SLF2: variants seen among roughly 807,000 people sequenced by gnomAD.
The protein encoded by SLF2 is SMC5-SMC6 complex localization factor protein 2.
A neutral mutation model predicts 124.3 loss-of-function variants in SLF2; 68 were observed. The ratio of observed to expected loss-of-function variants is 0.55; its 90% CI spans 0.45 to 0.67. The LOEUF (loss-of-function observed/expected upper bound fraction) is 0.67, where lower values mean the gene tolerates loss of function less well. SLF2 is among the 30% of genes least tolerant of loss of function. The probability of loss-of-function intolerance (pLI) is 0.00; values close to 1 mark genes in which losing one functional copy is unlikely to be tolerated. For synonymous variants in SLF2, 480 were observed against 478.8 expected (o/e 1.00, Z -0.03); for missense variants, 1,246 against 1,373.7 (o/e 0.91, Z 1.47).
In SLF2 at chr10:100,956,441, T is replaced by G. The variant is rs1290177523; in HGVS notation, c.3331-10T>G. The stretch of plus-strand genomic sequence containing the variant: ...GAATTGTTTTCATCCCTTGCATTTG[T>G]TTTGCACAGAAACACTTTGTGCTAC... On this transcript the variant is annotated splice_polypyrimidine_tract_variant and intron_variant, in intron 17 of 19. Coordinates refer to ENST00000238961, the MANE Select transcript of SLF2 (RefSeq NM_018121.4). 6.3e-7 allele frequency: 1 copy of G among 1,589,194 alleles called. No individual in the cohort carries two copies. The highest frequency in any genetic ancestry group is 1.2e-5 in the South Asian group (1 of 86,214).
At chr10:100,932,766 A>G (rs1298389571) in intron 9 of SLF2, among the ~76,000 whole-genome samples, 5 of 152,054 alleles carry the variant, frequency 3.3e-5, no homozygotes, top group Non-Finnish European at 7.4e-5. Flanking sequence ...GTGTCAGATG[A>G]TAAGTGCTAT....
chr10:100,950,709 G>A lies in SLF2; in HGVS notation c.3286G>A (p.Val1096Ile), dbSNP rs1850195098. ...YYLTYILLHL[V>I]GEVSCSHSFS... ...CCTGACCTACATTCTTCTTCATTTA[G>A]TCGGTGAAGTTAGTTGTTCTCATTC... Residue 1096 changes from valine (V) to isoleucine (I), a missense_variant, in exon 17 of 20, where the codon GTC becomes ATC. Around this residue, in one of 3 missense-constraint regions of SLF2, gnomAD observed 535 missense variants for 632.8 expected, o/e 0.85. Coordinates refer to ENST00000238961, the MANE Select transcript of SLF2 (RefSeq NM_018121.4). 1 of 1,613,966 alleles carries A rather than the reference G, an allele frequency of 6.2e-7. No individual in the cohort carries two copies. The highest frequency in any genetic ancestry group is 8.5e-7 in the Non-Finnish European group (1 of 1,179,950).
rs771980039 is a variant in SLF2, at chr10:100,961,891, C to T, written c.3501C>T (p.Asp1167=). Residue 1167 remains aspartate, a synonymous_variant, in exon 20 of 20, where the codon GAC becomes GAT. Transcript: ENST00000238961. ...NCRPTQGQLH[D]FWVPDS ...CCCTTTTTTAGGGGCAGCTTCATGA[C>T]TTCTGGGTACCAGATTCTTAATAGG... The T allele has an allele frequency of 1.2e-6, 2 of 1,608,346 alleles. No homozygotes were observed. Among genetic ancestry groups the T allele is most frequent in the Non-Finnish European group, 1.7e-6 (2 of 1,175,980 alleles).
At chr10:100,922,622 GT>G (rs375829390) in intron 4 of SLF2, among the ~76,000 whole-genome samples, 6 of 150,906 alleles carry the variant, frequency 4.0e-5, no homozygotes, top group Admixed American at 6.6e-5. Context: ...AATTTTTTGT[GT>G]TTTTTTTTGT....
At chr10:100,952,271 G>T (rs1254538932) in intron 17 of SLF2, among the ~76,000 whole-genome samples, 1 of 150,536 alleles carries the variant, frequency 6.6e-6, no homozygotes, top group African/African-American at 2.4e-5. Context: ...GCTGGACGTG[G>T]TGGCTCATGC....
At chr10:100,947,551 T>C (rs1190523506) in intron 14 of SLF2, among the ~76,000 whole-genome samples, 2 of 152,170 alleles carry the variant, frequency 1.3e-5, no homozygotes, top group Non-Finnish European at 2.9e-5. Context: ...AAATGATTTA[T>C]TGAGCTTCAG....
Position 100,924,771 on chromosome 10 carries a change from C to T in SLF2, c.1770C>T (p.Ser590=), listed in dbSNP as rs544135521. 6.2e-7 allele frequency: 1 copy of T among 1,614,098 alleles called. No individual in the cohort carries two copies. The highest frequency in any genetic ancestry group is 1.1e-5 in the South Asian group (1 of 91,084). The change falls in exon 5 of 20, where the codon AGC becomes AGT. Residue 590 remains serine, a synonymous_variant. Coordinates refer to ENST00000238961, the MANE Select transcript of SLF2 (RefSeq NM_018121.4). ...GTTCAGGAAATTCCAATGCAGGTAG[C>T]AGTGCACTGAAAAGAAAACTAAGGG... The part of the protein sequence containing the change: ...GESSGNSNAG[S]SALKRKLRGD...
chr10:100,961,789 T>C (rs1850431339), intron 19 of SLF2, 88 bp from the exon 20 acceptor site: 4 of 1,098,456 alleles, frequency 3.6e-6, no homozygotes, highest in Non-Finnish European at 5.3e-6. Context: ...TCAAAGCCCA[T>C]TGTCTGATGA....
rs113732991 is a variant in SLF2 at position 100,945,209 on chromosome 10, G to T, written c.2758-121G>T. 7.2e-4 allele frequency: 530 copies of T among 736,610 alleles called. 3 individuals carry two copies. The African/African-American group carries it at 9.3e-3, about 13-fold the overall frequency. 45.6% of individuals were successfully genotyped at this position (736,610 alleles called of 1,614,324 possible). On this transcript the variant is annotated intron_variant, in intron 12 of 19. Transcript: ENST00000238961. Reference sequence around the variant, plus strand: ...TCTTGCCTTCTTTTCTCTAGACATCGGATGTTTGTTTTCTTTATAGTTCTT... The same window carrying T: ...TCTTGCCTTCTTTTCTCTAGACATCTGATGTTTGTTTTCTTTATAGTTCTT...
intron 9 of SLF2, among the ~76,000 whole-genome samples, chr10:100,932,289 G>A (rs866189382): frequency 1.6e-4 from 25 of 152,026 alleles, no homozygotes; most frequent in African/African-American, 4.8e-4. Flanking sequence ...AGGTTACTGA[G>A]TGTTCCACTT....
rs1419663453 is a variant in SLF2, at chr10:100,917,287, A to G, written c.902A>G (p.Asn301Ser). ...KQNDIIPGKN[N>S]LSNVENGHLS... ...AATGACATCATACCTGGAAAAAATA[A>G]TCTGTCAAATGTGGTATGTGTAAGA... The change falls in exon 3 of 20, where the codon AAT (asparagine) becomes AGT (serine). Residue 301 changes from asparagine to serine, a missense_variant. Asn to Ser is a conservative substitution (Grantham distance 46). Coordinates refer to ENST00000238961, the MANE Select transcript of SLF2 (RefSeq NM_018121.4). 1 of 1,609,602 alleles carries G rather than the reference A, an allele frequency of 6.2e-7. No homozygotes were observed. The highest frequency in any genetic ancestry group is 1.1e-5 in the South Asian group (1 of 90,538).
chr10:100,959,556 A>T, intron 19 of SLF2, 60 bp downstream of exon 19: 1 of 1,595,022 alleles, frequency 6.3e-7, no homozygotes, highest in Non-Finnish European at 8.5e-7. Flanking sequence ...GGCACTCTTC[A>T]TACTGTTTGA....
intron 12 of SLF2, 39 bp downstream of exon 12, chr10:100,944,167 G>C (rs766617024): frequency 7.5e-7 from 1 of 1,331,814 alleles, no homozygotes; most frequent in Admixed American, 2.0e-5. Flanking sequence ...CTCAGAGCTA[G>C]AACCATTTAG....
chr10:100,944,761 A>G (rs1458681001), intron 12 of SLF2, among the ~76,000 whole-genome samples: 2 of 152,240 alleles, frequency 1.3e-5, no homozygotes, highest in Admixed American at 1.3e-4. Flanking sequence ...GCGGTGGCTC[A>G]TGCCTGTAAT....
At chr10:100,940,669 G>C (rs1849952567) in intron 11 of SLF2, among the ~76,000 whole-genome samples, 1 of 150,740 alleles carries the variant, frequency 6.6e-6, no homozygotes. Flanking sequence ...GCTTGAACTT[G>C]TTAAGATACA....
intron 19 of SLF2, among the ~76,000 whole-genome samples, chr10:100,960,997 T>C (rs11190767): frequency 8.0e-6 from 1 of 125,156 alleles, no homozygotes; most frequent in Non-Finnish European, 1.6e-5. Flanking sequence ...ATTCTGTACT[T>C]CTTTTTTTTT....
In SLF2 at chr10:100,919,159, C is replaced by T. The variant is rs146425834; in HGVS notation, c.973+718C>T. Among the ~76,000 whole-genome samples, 1,375 of 151,890 alleles carry T rather than the reference C, an allele frequency of 9.1e-3. 23 individuals carry two copies. The highest frequency in any genetic ancestry group is 0.032 in the African/African-American group (1,313 of 41,376). On this transcript the variant is annotated intron_variant, in intron 4 of 19. Coordinates refer to ENST00000238961, the MANE Select transcript of SLF2 (RefSeq NM_018121.4). Reference sequence around the variant, plus strand: ...CCCAAATATCTGGGACTACAGGCGCCCACCACCATGCCCGACTAATTTTTT... The same window carrying T: ...CCCAAATATCTGGGACTACAGGCGCTCACCACCATGCCCGACTAATTTTTT...
At chr10:100,927,297 C>A (rs1331659061) in intron 6 of SLF2, among the ~76,000 whole-genome samples, 1 of 130,560 alleles carries the variant, frequency 7.7e-6, no homozygotes, top group Non-Finnish European at 1.8e-5. Flanking sequence ...TCTACTTTGT[C>A]TCTATGAAAT....
At chr10:100,927,791 C>G (rs1427319438) in intron 6 of SLF2, among the ~76,000 whole-genome samples, 1 of 152,042 alleles carries the variant, frequency 6.6e-6, no homozygotes, top group Non-Finnish European at 1.5e-5. Context: ...AATAGCCATC[C>G]TAACAGTAAA....
Sources: gnomAD v4.1 joint callset for allele counts (sites outside exome capture counted in the v4.1 genomes callset) on GRCh38, gnomAD v4.1.1 for gene constraint, gnomAD v4.1.1 regional missense constraint, MANE v1.5 for transcripts, NCBI Gene and HGNC (gene_info 2026-07-23, HGNC 2026-07-21) for gene names.